LGI1: variants seen among roughly 807,000 people sequenced by gnomAD.
The protein encoded by LGI1 is leucine rich glioma inactivated 1, also known as leucine-rich glioma-inactivated protein 1.
LGI1 carries 11 observed loss-of-function variants against 57.7 expected under a neutral mutation model. The observed-to-expected ratio is 0.19, with a 90% confidence interval of 0.12 to 0.32. The LOEUF is 0.32. LGI1 is among the 10% of genes least tolerant of loss of function. The pLI, the probability that LGI1 is intolerant of heterozygous loss-of-function variation, is 1.00. For missense variants in LGI1, 422 were observed against 661.9 expected, an observed-to-expected ratio of 0.64 and a Z score of 3.98; for synonymous variants, 222 against 241.9, an observed-to-expected ratio of 0.92 and a Z score of 0.76.
In LGI1 at chr10:93,793,327, TC is replaced by T; in HGVS notation, c.817del (p.Arg273GlyfsTer12). 6.2e-7 allele frequency: 1 copy of T among 1,613,934 alleles called. No homozygotes were observed. The highest frequency in any genetic ancestry group is 8.5e-7 in the Non-Finnish European group (1 of 1,179,878). On this transcript the variant is annotated frameshift_variant, in exon 7 of 8. Coordinates refer to ENST00000371418, the MANE Select transcript of LGI1 (RefSeq NM_005097.4). LOFTEE classifies it high-confidence loss of function. ...FLEWDHVEKT[F>X]RNYDNITGTS... ...GAATGGGACCATGTGGAAAAGACCT[TC>T]CGGAATTATGACAACATTACAGGTA...
intron 2 of LGI1, among the ~76,000 whole-genome samples, chr10:93,760,009 T>C (rs2059606397): frequency 6.6e-6 from 1 of 152,366 alleles, no homozygotes; most frequent in South Asian, 2.1e-4. Context: ...GCCAAATGCT[T>C]ACACATTTAT....
intron 5 of LGI1, chr10:93,791,283 G>A (rs971310484): frequency 6.6e-6 from 1 of 152,222 alleles, no homozygotes; most frequent in Non-Finnish European, 1.5e-5. Flanking sequence ...ATTAGTGTGG[G>A]TCAGAGTTCT....
intron 2 of LGI1, chr10:93,763,279 GACACACACAC>G (rs754588623): frequency 7.3e-6 from 1 of 136,586 alleles, no homozygotes; most frequent in Non-Finnish European, 1.6e-5. Flanking sequence ...TACACACACA[GACACACACAC>G]ACACACAGAC....
rs71031537 is a variant in LGI1 at position 93,766,512 on chromosome 10, C to CTTT, written c.287+7689_287+7691dup. 7.1e-5 allele frequency among the ~76,000 whole-genome samples: 6 copies of CTTT among 84,578 alleles called. No homozygotes were observed. In the South Asian group the frequency reaches 1.5e-3, roughly 21 times the overall value. The allele number at this position is 84,578 out of a possible 152,430, so 55.5% of individuals were successfully genotyped here. On this transcript the variant is annotated intron_variant, in intron 2 of 7. Transcript: ENST00000371418. ...TTGGTGCTAAGCATTTTATAGATCTCTTTTTTTTTTGAGACGGAGTCTCGC... is the reference window on the plus strand; with the variant it reads ...TTGGTGCTAAGCATTTTATAGATCTCTTTTTTTTTTTTTGAGACGGAGTCTCGC...
Position 93,758,210 on chromosome 10 carries a change from C to T in LGI1, c.66C>T (p.Phe22=). ...ACIPLKRIAY[F]LCLLSALLLT... Reference sequence around the variant, plus strand: ...TTCCCCTGAAAAGAATTGCTTATTTCCTATGTCTCTTATCTGCGCTTTTGC... The same window carrying T: ...TTCCCCTGAAAAGAATTGCTTATTTTCTATGTCTCTTATCTGCGCTTTTGC... Residue 22 remains phenylalanine, a synonymous_variant, in exon 1 of 8, where the codon TTC becomes TTT. Transcript: ENST00000371418. This position sits in a 1 kb window ranked among gnomAD's most constrained non-coding sequence, Gnocchi z 4.7. 1 of 1,614,152 alleles carries T rather than the reference C, an allele frequency of 6.2e-7. No individual in the cohort carries two copies. Among genetic ancestry groups the T allele is most frequent in the South Asian group, 1.1e-5 (1 of 91,076 alleles).
At chr10:93,790,512 G>T (rs1010877149) in intron 5 of LGI1, 2 of 249,122 alleles carry the variant, frequency 8.0e-6, no homozygotes, top group African/African-American at 4.6e-5. Context: ...AGGAAATAGG[G>T]CTACAAAGGA....
At chr10:93,778,825 C>G (rs2059820384) in intron 4 of LGI1, 1 of 152,200 alleles carries the variant, frequency 6.6e-6, no homozygotes, top group Non-Finnish European at 1.5e-5. Flanking sequence ...ACAAAGGAGA[C>G]AAAAATGCCT....
chr10:93,796,909 GT>G (rs1161920926), intron 7 of LGI1, 58 bp from the exon 8 acceptor site: 2 of 1,389,288 alleles, frequency 1.4e-6, no homozygotes, highest in Non-Finnish European at 2.0e-6. Context: ...CAGCCCGCAT[GT>G]TTACATGCTC....
intron 2 of LGI1, 191 bp from the exon 3 acceptor site, chr10:93,777,188 A>T: frequency 1.6e-6 from 1 of 638,316 alleles, no homozygotes; most frequent in Non-Finnish European, 2.8e-6. Context: ...CCCCTTGATG[A>T]GCCTTTGATG....
In LGI1 at chr10:93,758,513, A is replaced by G. The variant is rs2059588552; in HGVS notation, c.215+154A>G. ...CAGTGCTAACATTTGCTGCATTTAGAATTTTTGATTTTTTTAGCTGCTACT... is the reference window on the plus strand; with the variant it reads ...CAGTGCTAACATTTGCTGCATTTAGGATTTTTGATTTTTTTAGCTGCTACT... On this transcript the variant is annotated intron_variant, in intron 1 of 7. Coordinates refer to ENST00000371418, the MANE Select transcript of LGI1 (RefSeq NM_005097.4). The surrounding 1 kb of genome is among the most constrained non-coding windows in gnomAD (Gnocchi z 4.7). 1.4e-5 allele frequency: 12 copies of G among 865,522 alleles called. No homozygotes were observed. The East Asian group carries it at 3.1e-4, about 22-fold the overall frequency. 53.6% of individuals were successfully genotyped at this position (865,522 alleles called of 1,614,324 possible). A position where few individuals can be genotyped will look rare whatever the true frequency, so the allele number is the denominator to read the frequency against.
chr10:93,797,937 C>T lies in LGI1; in HGVS notation c.*134C>T. On this transcript the variant is annotated 3_prime_UTR_variant, in exon 8 of 8. Coordinates refer to ENST00000371418, the MANE Select transcript of LGI1 (RefSeq NM_005097.4). The surrounding 1 kb of genome is among the most constrained non-coding windows in gnomAD (Gnocchi z 6.5). Reference sequence around the variant, plus strand: ...ACATTGAGACTGCTAGAACCAAGCACTACCAGTATCTCCATCCTTAACTGT... The same window carrying T: ...ACATTGAGACTGCTAGAACCAAGCATTACCAGTATCTCCATCCTTAACTGT... The T allele has an allele frequency of 1.4e-6, 1 of 722,930 alleles. No individual in the cohort carries two copies. The highest frequency in any genetic ancestry group is 2.6e-5 in the East Asian group (1 of 37,830). 44.8% of individuals were successfully genotyped at this position (722,930 alleles called of 1,614,324 possible).
chr10:93,797,036 T>C lies in LGI1; in HGVS notation c.907T>C (p.Phe303Leu), dbSNP rs752760270. ...GCTCTATGTTATTGTGGCCCAGCTGTTTGGTGGCTCTCACATCTATAAGCG... is the reference window on the plus strand; with the variant it reads ...GCTCTATGTTATTGTGGCCCAGCTGCTTGGTGGCTCTCACATCTATAAGCG... ...TQLYVIVAQL[F>L]GGSHIYKRDS... is the part of the protein sequence containing the mutation. Residue 303 changes from phenylalanine to leucine, a missense_variant, in exon 8 of 8, where the codon TTT becomes CTT. Transcript: ENST00000371418. The surrounding 1 kb of genome is among the most constrained non-coding windows in gnomAD (Gnocchi z 6.5). 3.1e-6 allele frequency: 5 copies of C among 1,614,076 alleles called. No homozygotes were observed. Among genetic ancestry groups the C allele is most frequent in the Non-Finnish European group, 4.2e-6 (5 of 1,179,986 alleles).
At position 93,796,910 on chromosome 10, in the gene LGI1, T is replaced by A. The variant is rs970248379; in HGVS notation, c.839-58T>A. The A allele has an allele frequency of 3.6e-6, 5 of 1,395,998 alleles. No individual in the cohort carries two copies. In the African/African-American group the frequency reaches 7.1e-5, roughly 20 times the overall value. 86.5% of individuals were successfully genotyped at this position (1,395,998 alleles called of 1,614,324 possible). ...AAGTTGTATGGCCCCAGCCCGCATG[T>A]TTACATGCTCCAAAAGAGGATGGCC... On this transcript the variant is annotated intron_variant, in intron 7 of 7. Coordinates refer to ENST00000371418, the MANE Select transcript of LGI1 (RefSeq NM_005097.4).
intron 4 of LGI1, chr10:93,788,959 A>C (rs78980101): frequency 6.6e-6 from 1 of 152,050 alleles, no homozygotes; most frequent in Non-Finnish European, 1.5e-5. Context: ...TAACGTGTAT[A>C]TATATGGTGC....
chr10:93,792,771 G>T lies in LGI1; in HGVS notation c.532G>T (p.Asp178Tyr). The change falls in exon 6 of 8, where the codon GAC (aspartate) becomes TAC (tyrosine). Residue 178 changes from aspartate (D) to tyrosine (Y), a missense_variant. Physicochemically the swap from Asp to Tyr is radical, Grantham distance 160 (BLOSUM62 -3). This residue lies in a region of LGI1 where 301 missense variants were observed against 461.7 expected (regional missense o/e 0.65). Transcript: ENST00000371418. ...CCTGAGGGGTAATTCATTTAATTGT[G>T]ACTGTAAACTGAAATGGCTAGTGGA... is the stretch of plus-strand genomic sequence containing the variant. ...VDLRGNSFNC[D>Y]CKLKWLVEWL... is the part of the protein sequence containing the mutation. 1 of 1,614,118 alleles carries T rather than the reference G, an allele frequency of 6.2e-7. No individual in the cohort carries two copies.
intron 2 of LGI1, chr10:93,764,393 T>C (rs2059653238): frequency 6.6e-6 from 1 of 152,224 alleles, no homozygotes; most frequent in African/African-American, 2.4e-5. Context: ...AAATGTATTA[T>C]AAGGTAGTCT....
At chr10:93,784,041 G>C (rs1454846321) in intron 4 of LGI1, among the ~76,000 whole-genome samples, 1 of 152,162 alleles carries the variant, frequency 6.6e-6, no homozygotes, top group Non-Finnish European at 1.5e-5. Flanking sequence ...ATAAATAAAA[G>C]TATCTATTGA....
In LGI1 at chr10:93,790,181, C is replaced by G. The variant is rs774540393; in HGVS notation, c.503+11C>G. On this transcript the variant is annotated intron_variant, in intron 5 of 7. Coordinates refer to ENST00000371418, the MANE Select transcript of LGI1 (RefSeq NM_005097.4). ...TTCTTTAACAAATGTGTAAGAGGAC[C>G]TAAGAAATCACTGAACAATTAATTA... 6.3e-7 allele frequency: 1 copy of G among 1,592,900 alleles called. No individual in the cohort carries two copies. The highest frequency in any genetic ancestry group is 8.6e-7 in the Non-Finnish European group (1 of 1,164,880).
At chr10:93,760,107 G>A (rs530113343) in intron 2 of LGI1, among the ~76,000 whole-genome samples, 2 of 152,300 alleles carry the variant, frequency 1.3e-5, no homozygotes, top group East Asian at 3.9e-4. Context: ...TCCTAAACTG[G>A]TTTGACTGTT....
Sources: allele counts gnomAD v4.1 joint callset (sites outside exome capture counted in the v4.1 genomes callset), GRCh38; gene constraint gnomAD v4.1.1; regional missense constraint gnomAD v4.1.1; non-coding constraint Gnocchi (gnomAD v3.1); transcripts MANE v1.5; gene names NCBI Gene and HGNC (gene_info 2026-07-23, HGNC 2026-07-21).